Variants in DIDO1 observed in about 807,000 individuals in gnomAD.
DIDO1 encodes death-inducer obliterator 1.
In DIDO1, 16 loss-of-function variants were observed where a neutral mutation model predicts 99.4. The observed-to-expected ratio is 0.16, with a 90% confidence interval of 0.11 to 0.24. The LOEUF (loss-of-function observed/expected upper bound fraction) is 0.24. DIDO1 is among the 10% of genes least tolerant of loss of function. The pLI is 1.00. For synonymous variants in DIDO1, 1,366 were observed against 1,239.1 expected, an observed-to-expected ratio of 1.10 and a Z score of -2.15; for missense variants, 2,996 against 3,014.0, an observed-to-expected ratio of 0.99 and a Z score of 0.14.
In DIDO1 at chr20:62,911,680, AAC is replaced by A. The variant is rs1286469472; in HGVS notation, c.-2-68_-2-67del. On this transcript the variant is annotated intron_variant, in intron 2 of 15. Transcript: ENST00000395343. The surrounding 1 kb of genome is among the most constrained non-coding windows in gnomAD (Gnocchi z 7.0). ...AGAACAAAAGGTGACATTGCCGCCA[AAC>A]ACGCGCAGCAGGGGCCACCTCCCTA... 15 of 1,424,444 alleles carry A rather than the reference AAC, an allele frequency of 1.1e-5. No individual in the cohort carries two copies. Among genetic ancestry groups the A allele is most frequent in the African/African-American group, 1.4e-5 (1 of 70,036 alleles). 88.2% of individuals were successfully genotyped at this position (1,424,444 alleles called of 1,614,324 possible).
In DIDO1 at chr20:62,896,121, AAC is replaced by A; in HGVS notation, c.2214+110_2214+111del. On this transcript the variant is annotated intron_variant, in intron 8 of 15. Transcript: ENST00000395343. The surrounding 1 kb of genome is among the most constrained non-coding windows in gnomAD (Gnocchi z 4.4). ...GCAGAAGGATCACAGAGGAGAAAGA[AAC>A]GTCTTAGCTTTCCTGGAAAGGACAC... The A allele has an allele frequency of 8.5e-7, 1 of 1,181,004 alleles. No homozygotes were observed. The highest frequency in any genetic ancestry group is 1.2e-6 in the Non-Finnish European group (1 of 839,570). 73.2% of individuals were successfully genotyped at this position (1,181,004 alleles called of 1,614,324 possible). A position where few individuals can be genotyped will look rare whatever the true frequency, so the allele number is the denominator to read the frequency against.
At chr20:62,915,633 T>C (rs2065024153) in intron 1 of DIDO1, among the ~76,000 whole-genome samples, 5 of 152,132 alleles carry the variant, frequency 3.3e-5, no homozygotes, top group Admixed American at 1.3e-4. Context: ...GGACTACAGA[T>C]GCGTGCCACT....
At position 62,896,418 on chromosome 20, in the gene DIDO1, A is replaced by G; in HGVS notation, c.2055-26T>C. The G allele has an allele frequency of 6.2e-7, 1 of 1,603,786 alleles. No individual in the cohort carries two copies. The highest frequency in any genetic ancestry group is 8.5e-7 in the Non-Finnish European group (1 of 1,177,594). On this transcript the variant is annotated intron_variant, in intron 7 of 15. Transcript: ENST00000395343. The surrounding 1 kb of genome is among the most constrained non-coding windows in gnomAD (Gnocchi z 4.4). ...CTGAACAGAATAAAAAAAAGGAACT[A>G]CATAAGACACTTGTGTATATTAAAC...
chr20:62,920,746 G>A (rs561642192), intron 1 of DIDO1, among the ~76,000 whole-genome samples: 1 of 152,328 alleles, frequency 6.6e-6, no homozygotes, highest in Admixed American at 6.5e-5. Context: ...GCTGAACGGA[G>A]ACACTAAGTT....
chr20:62,890,969 C>T lies in DIDO1; in HGVS notation c.3532G>A (p.Glu1178Lys), dbSNP rs572017888. Residue 1178 changes from glutamate (E) to lysine (K), a missense_variant, in exon 15 of 16, where the codon GAG becomes AAG. By Grantham distance (56) the Glu-to-Lys change is moderately conservative. Coordinates refer to ENST00000395343, the MANE Select transcript of DIDO1 (RefSeq NM_001193369.2). ...GAAAGCCGGCGCTTACCTGGTCCCTCAAAGGGCAAGAGTTTGGATGGAACA... is the reference window on the plus strand; with the variant it reads ...GAAAGCCGGCGCTTACCTGGTCCCTTAAAGGGCAAGAGTTTGGATGGAACA... ...DPVPSKLLPF[E>K]GPGLESPRPN... The T allele has an allele frequency of 6.2e-7, 1 of 1,614,022 alleles. No individual in the cohort carries two copies. Among genetic ancestry groups the T allele is most frequent in the South Asian group, 1.1e-5 (1 of 91,082 alleles).
intron 14 of DIDO1, among the ~76,000 whole-genome samples, chr20:62,891,396 T>G (rs1218564204): frequency 6.6e-6 from 1 of 152,182 alleles, no homozygotes. Context: ...AGCTGCATGA[T>G]CTGCAATGGC....
In DIDO1 at chr20:62,879,306, C is replaced by A; in HGVS notation, c.6650G>T (p.Ser2217Ile). Residue 2217 changes from serine (S) to isoleucine (I), a missense_variant, in exon 16 of 16, where the codon AGC becomes ATC. Physicochemically the swap from Ser to Ile is moderately radical, Grantham distance 142 (BLOSUM62 -2). Transcript: ENST00000395343. The surrounding 1 kb of genome is among the most constrained non-coding windows in gnomAD (Gnocchi z 6.3). ...RGRDRKDRSK[S>I]KESARDPKPE... The stretch of plus-strand genomic sequence containing the variant: ...CTTCGGGTCCCGAGCGCTCTCTTTG[C>A]TCTTGCTCCGGTCCTTGCGGTCGCG... 1.3e-6 allele frequency: 2 copies of A among 1,579,372 alleles called. No individual in the cohort carries two copies. The highest frequency in any genetic ancestry group is 1.7e-6 in the Non-Finnish European group (2 of 1,165,008).
intron 13 of DIDO1, 146 bp downstream of exon 13, chr20:62,892,663 G>T: frequency 8.7e-7 from 1 of 1,155,950 alleles, no homozygotes; most frequent in Non-Finnish European, 1.2e-6. Context: ...AGCCGTTTCT[G>T]CATCCAGACA....
At chr20:62,898,331 C>T (rs1004561582) in intron 6 of DIDO1, among the ~76,000 whole-genome samples, 2 of 152,312 alleles carry the variant, frequency 1.3e-5, no homozygotes, top group Non-Finnish European at 2.9e-5. Context: ...TCCCCAGCAG[C>T]CAGTCCATCA....
chr20:62,890,684 C>T lies in DIDO1; in HGVS notation c.3541+276G>A, dbSNP rs143327422. ...CTTGGGCTTCTGGGCACTGAGTCTT[C>T]TCTGACCTGAGGCCAAGATGAGCTG... is the stretch of plus-strand genomic sequence containing the variant. On this transcript the variant is annotated intron_variant, in intron 15 of 15. Transcript: ENST00000395343. 89 of 1,305,112 alleles carry T rather than the reference C, an allele frequency of 6.8e-5. No homozygotes were observed. The African/African-American group carries it at 1.3e-3, about 19-fold the overall frequency. 80.8% of individuals were successfully genotyped at this position (1,305,112 alleles called of 1,614,324 possible).
chr20:62,878,322 C>T lies in DIDO1; in HGVS notation c.*911G>A, dbSNP rs1026523858. The T allele has an allele frequency of 2.0e-5, 3 of 152,222 alleles. No individual in the cohort carries two copies. Among genetic ancestry groups the T allele is most frequent in the Admixed American group, 2.0e-4 (3 of 15,282 alleles). 9.4% of individuals were successfully genotyped at this position (152,222 alleles called of 1,614,324 possible). On this transcript the variant is annotated 3_prime_UTR_variant, in exon 16 of 16. Coordinates refer to ENST00000395343, the MANE Select transcript of DIDO1 (RefSeq NM_001193369.2). ...TTTGCAGTTCTTGAGCTAGTGATCA[C>T]TAGTTCCCGTCTCAGACTTTACACA...
chr20:62,902,557 T>TC (rs1013615916), intron 6 of DIDO1, among the ~76,000 whole-genome samples: 6 of 152,002 alleles, frequency 3.9e-5, no homozygotes, highest in Non-Finnish European at 1.5e-5. Flanking sequence ...GGTTCTAGAA[T>TC]CCCCCCATGT....
chr20:62,905,449 C>T, intron 6 of DIDO1: 3 of 1,526,546 alleles, frequency 2.0e-6, no homozygotes, highest in Non-Finnish European at 2.6e-6. Context: ...GTGATGCTTT[C>T]ATGTGCTGGC....
At chr20:62,890,297 G>C (rs2064371444) in intron 15 of DIDO1, 2 of 986,052 alleles carry the variant, frequency 2.0e-6, no homozygotes, top group African/African-American at 3.5e-5. Context: ...TCTTCTAAGG[G>C]GCTATGAAAG....
At chr20:62,883,507 G>A (rs75870959) in intron 15 of DIDO1, among the ~76,000 whole-genome samples, 1 of 151,408 alleles carries the variant, frequency 6.6e-6, no homozygotes, top group Non-Finnish European at 1.5e-5. Context: ...TCTGGCCAAC[G>A]TGGTGAAACC....
upstream of DIDO1, among the ~76,000 whole-genome samples, chr20:62,928,046 T>G (rs1255097757): frequency 1.3e-5 from 2 of 152,200 alleles, no homozygotes; most frequent in Non-Finnish European, 2.9e-5. Context: ...GAAGACCACA[T>G]GAGGCCTCCC....
rs1427196365 is a variant in DIDO1 at position 62,894,208 on chromosome 20, G to C, written c.2573-14C>G. The C allele has an allele frequency of 2.5e-6, 4 of 1,606,956 alleles. No homozygotes were observed. Among genetic ancestry groups the C allele is most frequent in the Non-Finnish European group, 2.6e-6 (3 of 1,174,680 alleles). ...AGGGAACCTGGCCTGAAGAAGGCGAGGAAAGGCTCTGTGAGAAACCCAGCC... is the reference window on the plus strand; with the variant it reads ...AGGGAACCTGGCCTGAAGAAGGCGACGAAAGGCTCTGTGAGAAACCCAGCC... On this transcript the variant is annotated splice_polypyrimidine_tract_variant and intron_variant, in intron 11 of 15. Transcript: ENST00000395343. The surrounding 1 kb of genome is among the most constrained non-coding windows in gnomAD (Gnocchi z 4.4).
At chr20:62,932,950 T>C (rs764192157) in intron 1 of DIDO1, among the ~76,000 whole-genome samples, 77 of 152,232 alleles carry the variant, frequency 5.1e-4, no homozygotes, top group Non-Finnish European at 8.8e-4. Flanking sequence ...CCATGGCTCA[T>C]GCCTGTATTC....
At chr20:62,905,273 C>A in intron 6 of DIDO1, 1 of 1,365,916 alleles carries the variant, frequency 7.3e-7, no homozygotes. Context: ...GCCTATGAAG[C>A]AGGAGTGTGT....
Sources: gnomAD v4.1 joint callset for allele counts (sites outside exome capture counted in the v4.1 genomes callset) on GRCh38, gnomAD v4.1.1 for gene constraint, Gnocchi (gnomAD v3.1) non-coding constraint, MANE v1.5 for transcripts, NCBI Gene and HGNC (gene_info 2026-07-23, HGNC 2026-07-21) for gene names.